Variants in SAV1 observed in about 807,000 individuals in gnomAD.
SAV1 encodes the protein salvador family WW domain containing protein 1.
A neutral mutation model predicts 47.3 loss-of-function variants in SAV1; 23 were observed. The observed-to-expected ratio is 0.49, with a 90% confidence interval of 0.35 to 0.69. The LOEUF is 0.69. Among genes scored for constraint, SAV1 ranks in the 30% least tolerant of loss-of-function variants. SAV1 has a pLI of 0.01. For synonymous variants in SAV1, 155 were observed against 159.2 expected (o/e 0.97, Z 0.20); for missense variants, 448 against 457.4 (o/e 0.98, Z 0.19).
chr14:50,667,410 C>G (rs1374680906), intron 1 of SAV1: 1 of 456,100 alleles, frequency 2.2e-6, no homozygotes, highest in Non-Finnish European at 4.4e-6. Flanking sequence ...GGCAGCAGGA[C>G]TAAGGAATTC....
Position 50,650,132 on chromosome 14 carries a change from G to T in SAV1, c.536-5118C>A, listed in dbSNP as rs375722580. Among the ~76,000 whole-genome samples, 13 of 152,342 alleles carry T rather than the reference G, an allele frequency of 8.5e-5. No individual in the cohort carries two copies. In the East Asian group the frequency reaches 2.5e-3, roughly 29 times the overall value. ...AGATTCTAAAGAAGGATATGTAAGTGTATGGATAAATACGGGTTATTGGCA... is the reference window on the plus strand; with the variant it reads ...AGATTCTAAAGAAGGATATGTAAGTTTATGGATAAATACGGGTTATTGGCA... On this transcript the variant is annotated intron_variant, in intron 2 of 4. Coordinates refer to ENST00000324679, the MANE Select transcript of SAV1 (RefSeq NM_021818.4).
chr14:50,663,530 A>T (rs561812942), intron 2 of SAV1, among the ~76,000 whole-genome samples: 1 of 152,316 alleles, frequency 6.6e-6, no homozygotes, highest in East Asian at 1.9e-4. Context: ...CATGCCTAGA[A>T]AACCTCTCCT....
At chr14:50,655,380 A>G (rs74412793) in intron 2 of SAV1, among the ~76,000 whole-genome samples, 1,550 of 152,042 alleles carry the variant, frequency 0.01, 23 homozygotes, top group African/African-American at 0.035. Flanking sequence ...CAGGAAATAT[A>G]TAATAGAAAC....
chr14:50,650,266 G>A (rs1169885433), intron 2 of SAV1, among the ~76,000 whole-genome samples: 3 of 152,144 alleles, frequency 2.0e-5, no homozygotes, highest in African/African-American at 4.8e-5. Flanking sequence ...TCAACCAAAT[G>A]TCCAATAATA....
intron 2 of SAV1, among the ~76,000 whole-genome samples, chr14:50,647,008 T>C (rs1364077515): frequency 6.6e-6 from 1 of 152,150 alleles, no homozygotes; most frequent in Non-Finnish European, 1.5e-5. Context: ...GGGAAAGGTT[T>C]TTCCAACAAA....
chr14:50,642,862 G>A (rs1164374034), intron 3 of SAV1, among the ~76,000 whole-genome samples: 8 of 152,156 alleles, frequency 5.3e-5, no homozygotes, highest in Non-Finnish European at 1.2e-4. Flanking sequence ...TACAACTGGG[G>A]GTGAAGAAGA....
chr14:50,663,099 G>T (rs150914621), intron 2 of SAV1: 1 of 152,190 alleles, frequency 6.6e-6, no homozygotes, highest in Non-Finnish European at 1.5e-5. Context: ...CCAAATGGAA[G>T]ATTACGCAGT....
At chr14:50,645,875 AAAC>A (rs1470674062) in intron 2 of SAV1, among the ~76,000 whole-genome samples, 4 of 152,200 alleles carry the variant, frequency 2.6e-5, no homozygotes, top group Admixed American at 2.6e-4. Context: ...ATATATTAAC[AAAC>A]AACAACTGGA....
At chr14:50,655,494 C>G (rs1043436865) in intron 2 of SAV1, among the ~76,000 whole-genome samples, 2 of 150,776 alleles carry the variant, frequency 1.3e-5, no homozygotes, top group Non-Finnish European at 2.9e-5. Context: ...GATGCAATCT[C>G]GGCTCACTGC....
Position 50,665,569 on chromosome 14 carries a change from C to A in SAV1, c.145G>T (p.Asp49Tyr). The A allele has an allele frequency of 6.2e-7, 1 of 1,613,608 alleles. No individual in the cohort carries two copies. Among genetic ancestry groups the A allele is most frequent in the Non-Finnish European group, 8.5e-7 (1 of 1,179,794 alleles). The change falls in exon 2 of 5, where the codon GAT (aspartate) becomes TAT (tyrosine). Residue 49 changes from aspartate (D) to tyrosine (Y), a missense_variant. By Grantham distance (160) the Asp-to-Tyr change is radical (BLOSUM62 -3). Transcript: ENST00000324679. Reference protein sequence around the residue: ...RHGPTIPRRTDICLPDSSPNA... With the variant: ...RHGPTIPRRTYICLPDSSPNA... The stretch of plus-strand genomic sequence containing the variant: ...GGGCTTGAATCTGGAAGACAGATAT[C>A]AGTTCGTCTTGGAATTGTTGGACCA...
At chr14:50,646,235 T>C (rs564269915) in intron 2 of SAV1, among the ~76,000 whole-genome samples, 6 of 152,108 alleles carry the variant, frequency 3.9e-5, no homozygotes, top group Non-Finnish European at 5.9e-5. Flanking sequence ...AAAATAAAAT[T>C]GAACAATTAT....
intron 2 of SAV1, among the ~76,000 whole-genome samples, chr14:50,659,059 A>C (rs2039836472): frequency 6.8e-6 from 1 of 147,462 alleles, no homozygotes; most frequent in Non-Finnish European, 1.5e-5. Flanking sequence ...GCAGTGTATC[A>C]ACTGCTGTAA....
At chr14:50,662,111 A>G (rs4901048) in intron 2 of SAV1, among the ~76,000 whole-genome samples, 19,370 of 152,148 alleles carry the variant, frequency 0.13, 1,861 homozygotes, top group East Asian at 0.53. Context: ...ATGTCTTTCC[A>G]TTTGTTTTTG....
chr14:50,667,671 C>CG (rs1412983462), intron 1 of SAV1, among the ~76,000 whole-genome samples: 1 of 105,880 alleles, frequency 9.4e-6, no homozygotes, highest in African/African-American at 3.8e-5. Flanking sequence ...GGGTTAGGCG[C>CG]GGGGGGGACT....
At chr14:50,641,025 T>TAATG in intron 3 of SAV1, 132 bp from the exon 4 acceptor site, 1 of 682,526 alleles carries the variant, frequency 1.5e-6, no homozygotes, top group Non-Finnish European at 2.3e-6. Flanking sequence ...ACCTGAAAGG[T>TAATG]AATGTATTTT....
chr14:50,662,155 T>G (rs1258186361), intron 2 of SAV1, among the ~76,000 whole-genome samples: 1 of 116,182 alleles, frequency 8.6e-6, no homozygotes, highest in Non-Finnish European at 1.8e-5. Context: ...TGTTTTGAAA[T>G]CTTGTTATTT....
chr14:50,645,993 T>C (rs919515408), intron 2 of SAV1, among the ~76,000 whole-genome samples: 1 of 152,112 alleles, frequency 6.6e-6, no homozygotes, highest in East Asian at 1.9e-4. Flanking sequence ...AAAAAACCTA[T>C]CACATTAACG....
At chr14:50,641,249 G>C (rs1025713932) in intron 3 of SAV1, among the ~76,000 whole-genome samples, 1 of 152,148 alleles carries the variant, frequency 6.6e-6, no homozygotes, top group African/African-American at 2.4e-5. Flanking sequence ...CTGAAAATGG[G>C]GGTTAGGATA....
At chr14:50,647,667 A>T (rs182029730) in intron 2 of SAV1, among the ~76,000 whole-genome samples, 16 of 152,348 alleles carry the variant, frequency 1.1e-4, no homozygotes, top group Admixed American at 3.3e-4. Flanking sequence ...TATTGATGGT[A>T]AATAGCACGT....
Sources: gnomAD v4.1 joint callset for allele counts (sites outside exome capture counted in the v4.1 genomes callset) on GRCh38, gnomAD v4.1.1 for gene constraint, MANE v1.5 for transcripts, NCBI Gene and HGNC (gene_info 2026-07-23, HGNC 2026-07-21) for gene names.